The following KSR1 variants were observed in gnomAD, a reference collection of about 807,000 sequenced individuals.
KSR1 encodes kinase suppressor of ras.
Under a neutral mutation model 92.9 loss-of-function variants are expected in KSR1, and 35 were observed. That is an observed-to-expected ratio of 0.38 (90% confidence interval 0.29 to 0.50). The LOEUF is 0.50. KSR1 is among the 20% of genes least tolerant of loss of function. KSR1 has a pLI of 0.94. For missense variants in KSR1, 972 were observed against 1,158.5 expected, an observed-to-expected ratio of 0.84 and a Z score of 2.34; for synonymous variants, 467 against 472.6, an observed-to-expected ratio of 0.99 and a Z score of 0.15.
At chr17:27,497,385 A>G (rs2150973070) in intron 1 of KSR1, among the ~76,000 whole-genome samples, 1 of 152,344 alleles carries the variant, frequency 6.6e-6, no homozygotes, top group East Asian at 1.9e-4. Context: ...ATGTCCTGGG[A>G]CAAGGATGGT....
rs1007789971 is a variant in KSR1, at chr17:27,559,671, G to T, written c.372+8963G>T. ...AGGAAGTGAGAGCCCCAGATGCCCTGATGGCTCCGGGATGGGATCTGTTGG... is the reference window on the plus strand; with the variant it reads ...AGGAAGTGAGAGCCCCAGATGCCCTTATGGCTCCGGGATGGGATCTGTTGG... On this transcript the variant is annotated intron_variant, in intron 2 of 20. Transcript: ENST00000644974. The surrounding 1 kb of genome is among the most constrained non-coding windows in gnomAD (Gnocchi z 4.2). 1.3e-5 allele frequency among the ~76,000 whole-genome samples: 2 copies of T among 152,246 alleles called. No homozygotes were observed. Among genetic ancestry groups the T allele is most frequent in the African/African-American group, 4.8e-5 (2 of 41,468 alleles).
intron 1 of KSR1, among the ~76,000 whole-genome samples, chr17:27,530,930 C>A (rs992223038): frequency 2.6e-5 from 4 of 152,236 alleles, no homozygotes; most frequent in African/African-American, 9.6e-5. Context: ...TGTAAACCTG[C>A]TCAGTGGCTC....
At chr17:27,548,009 G>A (rs2071245890) in intron 1 of KSR1, among the ~76,000 whole-genome samples, 1 of 152,190 alleles carries the variant, frequency 6.6e-6, no homozygotes, top group Non-Finnish European at 1.5e-5. Context: ...CACCATGACT[G>A]GCTGTCTATC....
At chr17:27,571,576 G>T (rs560983152) in intron 2 of KSR1, among the ~76,000 whole-genome samples, 1 of 152,332 alleles carries the variant, frequency 6.6e-6, no homozygotes, top group East Asian at 1.9e-4. Flanking sequence ...TCTCTGGTCT[G>T]ACCAGTTCCT....
intron 15 of KSR1, 84 bp from the exon 16 acceptor site, chr17:27,609,112 A>G (rs1598142315): frequency 2.8e-6 from 4 of 1,434,906 alleles, no homozygotes; most frequent in East Asian, 4.9e-5. Flanking sequence ...AAGATCAAAT[A>G]TGGGGATTTA....
At chr17:27,620,147 C>T (rs73261306) in intron 19 of KSR1, among the ~76,000 whole-genome samples, 2,776 of 152,280 alleles carry the variant, frequency 0.018, 83 homozygotes, top group African/African-American at 0.063. Flanking sequence ...TCTGGAGGAA[C>T]GACTGTGTGG....
At chr17:27,562,727 T>G (rs536944652) in intron 2 of KSR1, among the ~76,000 whole-genome samples, 1 of 152,362 alleles carries the variant, frequency 6.6e-6, no homozygotes, top group East Asian at 1.9e-4. Flanking sequence ...CAGCAATCTC[T>G]TATTACCCTT....
intron 1 of KSR1, among the ~76,000 whole-genome samples, chr17:27,491,304 GGTGTGTGTGT>G (rs60738939): frequency 0.037 from 4,124 of 110,048 alleles, 179 homozygotes; most frequent in East Asian, 0.12. Context: ...TTTTGTTAGT[GGTGTGTGTGT>G]GTGTGTGTGT....
intron 2 of KSR1, among the ~76,000 whole-genome samples, chr17:27,572,047 CA>C (rs1348795743): frequency 2.0e-5 from 3 of 152,204 alleles, no homozygotes; most frequent in Admixed American, 2.0e-4. Flanking sequence ...GCACGTTGCC[CA>C]AACCCATCCT....
intron 1 of KSR1, among the ~76,000 whole-genome samples, chr17:27,546,849 T>G (rs2071194085): frequency 6.6e-6 from 1 of 152,144 alleles, no homozygotes; most frequent in Non-Finnish European, 1.5e-5. Flanking sequence ...TCATGCTCTG[T>G]AGGTGCTCCC....
At chr17:27,602,502 A>G (rs180691357) in intron 11 of KSR1, among the ~76,000 whole-genome samples, 1 of 152,370 alleles carries the variant, frequency 6.6e-6, no homozygotes, top group African/African-American at 2.4e-5. Flanking sequence ...TTTTTATTAA[A>G]GCAAACGTGG....
intron 10 of KSR1, 140 bp from the exon 11 acceptor site, chr17:27,601,220 T>C (rs1168352894): frequency 2.9e-6 from 2 of 700,314 alleles, no homozygotes; most frequent in East Asian, 5.4e-5. Flanking sequence ...GTTTGGCCTG[T>C]CCTTGCCAGG....
At position 27,561,344 on chromosome 17, in the gene KSR1, AT is replaced by A. The variant is rs553402552; in HGVS notation, c.372+10639del. On this transcript the variant is annotated intron_variant, in intron 2 of 20. Coordinates refer to ENST00000644974, the MANE Select transcript of KSR1 (RefSeq NM_001394583.1). Reference sequence around the variant, plus strand: ...ACGTGTGTCTCTCTCTTCCCCCCTCATTTCTTCTTTCCTTTACATTCACTCG... The same window carrying A: ...ACGTGTGTCTCTCTCTTCCCCCCTCATTCTTCTTTCCTTTACATTCACTCG... Among the ~76,000 whole-genome samples the A allele has an allele frequency of 3.6e-4, 55 of 151,952 alleles. 1 individual carries two copies. In the East Asian group the frequency reaches 9.5e-3, roughly 26 times the overall value.
intron 2 of KSR1, among the ~76,000 whole-genome samples, chr17:27,563,714 G>T (rs370776947): frequency 2.6e-5 from 4 of 152,174 alleles, no homozygotes; most frequent in Non-Finnish European, 4.4e-5. Context: ...GCAGGAGAAC[G>T]CATCAGATGG....
intron 2 of KSR1, among the ~76,000 whole-genome samples, chr17:27,551,803 G>A (rs1400065665): frequency 2.0e-5 from 3 of 152,156 alleles, no homozygotes; most frequent in African/African-American, 7.2e-5. Flanking sequence ...CCACGGTCCA[G>A]GCCGCTGTCA....
intron 1 of KSR1, among the ~76,000 whole-genome samples, chr17:27,498,294 C>T (rs1232474974): frequency 6.9e-6 from 1 of 145,688 alleles, no homozygotes; most frequent in Non-Finnish European, 1.5e-5. Flanking sequence ...GCCGAGATTG[C>T]ACCACTGCAC....
In KSR1 at chr17:27,559,509, G is replaced by A. The variant is rs762415190; in HGVS notation, c.372+8801G>A. Reference sequence around the variant, plus strand: ...TAGTGCAGCTGAGAAACTGAAATTCGTGTTTTGTTTTATCGTAATGAATTT... The same window carrying A: ...TAGTGCAGCTGAGAAACTGAAATTCATGTTTTGTTTTATCGTAATGAATTT... On this transcript the variant is annotated intron_variant, in intron 2 of 20. Transcript: ENST00000644974. The surrounding 1 kb of genome is among the most constrained non-coding windows in gnomAD (Gnocchi z 4.2). Among the ~76,000 whole-genome samples the A allele has an allele frequency of 7.2e-5, 11 of 152,240 alleles. No homozygotes were observed. The highest frequency in any genetic ancestry group is 1.3e-4 in the Non-Finnish European group (9 of 68,046).
chr17:27,494,397 G>C (rs964079882), intron 1 of KSR1, among the ~76,000 whole-genome samples: 10 of 152,148 alleles, frequency 6.6e-5, no homozygotes, highest in African/African-American at 2.4e-4. Context: ...GGGAACAGCA[G>C]GTGGCAGTAA....
chr17:27,617,161 C>T (rs970831359), intron 18 of KSR1, 134 bp from the exon 19 acceptor site: 6 of 912,186 alleles, frequency 6.6e-6, no homozygotes, highest in East Asian at 2.8e-5. Context: ...CCCTTCATGT[C>T]GGCAGGGTGT....
Sources: gnomAD v4.1 joint callset for allele counts (sites outside exome capture counted in the v4.1 genomes callset) on GRCh38, gnomAD v4.1.1 for gene constraint, Gnocchi (gnomAD v3.1) non-coding constraint, MANE v1.5 for transcripts, NCBI Gene and HGNC (gene_info 2026-07-23, HGNC 2026-07-21) for gene names.